The following CRACD variants were observed in gnomAD, a reference collection of about 807,000 sequenced individuals.
CRACD encodes capping protein-inhibiting regulator of actin dynamics.
Under a neutral mutation model 106.8 loss-of-function variants are expected in CRACD, and 56 were observed. The ratio of observed to expected loss-of-function variants is 0.52; its 90% CI spans 0.42 to 0.66. The LOEUF is 0.66. CRACD is among the 30% of genes least tolerant of loss of function. The pLI, the probability that CRACD is intolerant of heterozygous loss-of-function variation, is 0.00. For synonymous variants in CRACD, 754 were observed against 670.8 expected (o/e 1.12, Z -1.92); for missense variants, 1,730 against 1,623.2 (o/e 1.07, Z -1.13).
At chr4:56,321,824 C>G (rs975386450) in intron 8 of CRACD, among the ~76,000 whole-genome samples, 4 of 152,238 alleles carry the variant, frequency 2.6e-5, no homozygotes, top group African/African-American at 9.6e-5. Flanking sequence ...TTGCAGTGCC[C>G]CAGGCTCATT....
chr4:56,083,495 C>T (rs1177308072), intron 1 of CRACD, among the ~76,000 whole-genome samples: 1 of 152,006 alleles, frequency 6.6e-6, no homozygotes, highest in Non-Finnish European at 1.5e-5. Flanking sequence ...ATCCATCCAT[C>T]CCATACCATA....
At chr4:56,204,184 A>G (rs1322048540) in intron 2 of CRACD, among the ~76,000 whole-genome samples, 1 of 152,206 alleles carries the variant, frequency 6.6e-6, no homozygotes, top group Non-Finnish European at 1.5e-5. Context: ...TGAGCAAGGA[A>G]CAACCTGGTT....
rs919377371 is a variant in CRACD at position 56,248,577 on chromosome 4, T to G, written c.-188-23744T>G. ...TCTCTATATTAACCTTACCTATGTG[T>G]TTTTTTTTTAATTATACTTTAAGTT... On this transcript the variant is annotated intron_variant, in intron 2 of 10. Coordinates refer to ENST00000682029, the MANE Select transcript of CRACD (RefSeq NM_001393381.1). Among the ~76,000 whole-genome samples, 8 of 125,384 alleles carry G rather than the reference T, an allele frequency of 6.4e-5. No individual in the cohort carries two copies. In the South Asian group the frequency reaches 1.3e-3, roughly 21 times the overall value. The allele number at this position is 125,384 out of a possible 152,430, so 82.3% of individuals were successfully genotyped here.
chr4:56,106,899 G>C (rs941204354), intron 1 of CRACD, among the ~76,000 whole-genome samples: 4 of 152,156 alleles, frequency 2.6e-5, no homozygotes, highest in African/African-American at 9.7e-5. Context: ...TGCCTTAGGT[G>C]GCACCAAGGA....
At chr4:56,291,175 G>T (rs1275976268) in intron 3 of CRACD, among the ~76,000 whole-genome samples, 1 of 152,202 alleles carries the variant, frequency 6.6e-6, no homozygotes, top group Admixed American at 6.5e-5. Flanking sequence ...TGAGCAGAGA[G>T]AGAGTGAGGG....
chr4:56,239,245 A>G (rs564076748), intron 2 of CRACD, among the ~76,000 whole-genome samples: 89 of 152,150 alleles, frequency 5.8e-4, no homozygotes, highest in East Asian at 9.6e-4. Context: ...GTGAGTCAAG[A>G]TGGTGCCACT....
intron 1 of CRACD, among the ~76,000 whole-genome samples, chr4:56,096,369 G>A (rs1350482987): frequency 1.3e-5 from 2 of 152,122 alleles, no homozygotes; most frequent in African/African-American, 4.8e-5. Flanking sequence ...AAAAGCCTGC[G>A]AAGTAGTGAT....
chr4:56,286,525 C>CAAAAAAAAAAAAAAAAAAAAAAAAAAA (rs61498428), intron 3 of CRACD, among the ~76,000 whole-genome samples: 10 of 89,374 alleles, frequency 1.1e-4, no homozygotes, highest in African/African-American at 4.0e-4. Context: ...GACTCCGTCT[C>CAAAAAAAAAAAAAAAAAAAAAAAAAAA]AAAAAAAAAA....
At position 56,154,514 on chromosome 4, in the gene CRACD, T is replaced by C. The variant is rs529193683; in HGVS notation, c.-335-24770T>C. Among the ~76,000 whole-genome samples the C allele has an allele frequency of 4.7e-4, 26 of 55,122 alleles. No homozygotes were observed. The East Asian group carries it at 0.011, about 24-fold the overall frequency. The allele number at this position is 55,122 out of a possible 152,430, so 36.2% of individuals were successfully genotyped here. A position where few individuals can be genotyped will look rare whatever the true frequency, so the allele number is the denominator to read the frequency against. Reference sequence around the variant, plus strand: ...ATGTAAGAGAATCAAATAATTTTTATAAGCTATTTTTTTTCTAAAAAATAC... The same window carrying C: ...ATGTAAGAGAATCAAATAATTTTTACAAGCTATTTTTTTTCTAAAAAATAC... On this transcript the variant is annotated intron_variant, in intron 1 of 10. Transcript: ENST00000682029.
chr4:56,118,146 C>T (rs1734357020), intron 1 of CRACD, among the ~76,000 whole-genome samples: 1 of 152,212 alleles, frequency 6.6e-6, no homozygotes, highest in Non-Finnish European at 1.5e-5. Flanking sequence ...TCACTAATGA[C>T]AGAGGAGACG....
intron 2 of CRACD, among the ~76,000 whole-genome samples, chr4:56,185,299 C>T (rs1737040046): frequency 1.3e-5 from 2 of 152,140 alleles, no homozygotes; most frequent in Admixed American, 6.5e-5. Flanking sequence ...GCACCCGTCA[C>T]CTCTGTCTCT....
chr4:56,166,698 T>A (rs1453735479), intron 1 of CRACD, among the ~76,000 whole-genome samples: 1 of 122,616 alleles, frequency 8.2e-6, no homozygotes, highest in Non-Finnish European at 1.8e-5. Context: ...AAAAACCATT[T>A]AATGGAGTAT....
At chr4:56,323,193 A>G (rs921856733) in intron 8 of CRACD, among the ~76,000 whole-genome samples, 184 bp from the exon 9 acceptor site, 2 of 152,114 alleles carry the variant, frequency 1.3e-5, no homozygotes, top group African/African-American at 4.8e-5. Context: ...TTTTCTGGTG[A>G]TCAAACATGT....
chr4:56,230,046 G>A (rs1352666819), intron 2 of CRACD, among the ~76,000 whole-genome samples: 1 of 152,150 alleles, frequency 6.6e-6, no homozygotes, highest in Non-Finnish European at 1.5e-5. Context: ...TTATTTCCTT[G>A]TGTCTTTTAT....
In CRACD at chr4:56,315,369, G is replaced by A; in HGVS notation, c.1867G>A (p.Gly623Ser). 6.2e-7 allele frequency: 1 copy of A among 1,613,524 alleles called. No individual in the cohort carries two copies. The highest frequency in any genetic ancestry group is 1.1e-5 in the South Asian group (1 of 91,064). ...GGACACCGCGTGCAAGTCCCTCCTGGGCTTGGAGGAGAAGAAGCACGCGGA... is the reference window on the plus strand; with the variant it reads ...GGACACCGCGTGCAAGTCCCTCCTGAGCTTGGAGGAGAAGAAGCACGCGGA... Reference protein sequence around the residue: ...IKDTACKSLLGLEEKKHAEAP... With the variant: ...IKDTACKSLLSLEEKKHAEAP... Residue 623 changes from glycine (G) to serine (S), a missense_variant, in exon 8 of 11, where the codon GGC becomes AGC. By Grantham distance (56) the Gly-to-Ser change is moderately conservative (BLOSUM62 0). Around this residue, in one of 5 missense-constraint regions of CRACD, gnomAD observed 1,620 missense variants for 1,481.6 expected, o/e 1.09. Transcript: ENST00000682029. The surrounding 1 kb of genome is among the most constrained non-coding windows in gnomAD (Gnocchi z 4.1).
intron 2 of CRACD, among the ~76,000 whole-genome samples, chr4:56,267,206 T>G (rs1281267293): frequency 6.6e-5 from 10 of 151,870 alleles, no homozygotes; most frequent in Non-Finnish European, 1.5e-5. Flanking sequence ...CTACAACCTC[T>G]GCCTCCCGGG....
intron 2 of CRACD, among the ~76,000 whole-genome samples, chr4:56,267,614 C>T (rs1347925259): frequency 6.6e-6 from 1 of 152,094 alleles, no homozygotes. Flanking sequence ...GACTTAGGAC[C>T]TCTTTTTTTC....
intron 4 of CRACD, chr4:56,301,207 A>C: frequency 1.6e-6 from 2 of 1,286,100 alleles, no homozygotes; most frequent in Non-Finnish European, 2.0e-6. Flanking sequence ...CCCCAAAAAG[A>C]CTGTGCTTTA....
intron 1 of CRACD, among the ~76,000 whole-genome samples, chr4:56,106,547 C>A (rs1199876964): frequency 6.6e-6 from 1 of 152,156 alleles, no homozygotes; most frequent in Non-Finnish European, 1.5e-5. Context: ...ATCTGCCATC[C>A]CTTTCAGTGT....
Sources: allele counts gnomAD v4.1 joint callset (sites outside exome capture counted in the v4.1 genomes callset), GRCh38; gene constraint gnomAD v4.1.1; regional missense constraint gnomAD v4.1.1; non-coding constraint Gnocchi (gnomAD v3.1); transcripts MANE v1.5; gene names NCBI Gene and HGNC (gene_info 2026-07-23, HGNC 2026-07-21).